The following SCARA5 variants were observed in gnomAD, a reference collection of about 807,000 sequenced individuals.
SCARA5 encodes the protein scavenger receptor class A, member 5 (putative).
SCARA5 carries 45 observed loss-of-function variants against 46.3 expected under a neutral mutation model. That is an observed-to-expected ratio of 0.97 (90% CI 0.76 to 1.24). SCARA5 has a LOEUF of 1.24. Ranked by LOEUF, SCARA5 falls within the 50% of genes most tolerant of loss-of-function variation. SCARA5 has a pLI of 0.00. For missense variants in SCARA5, 680 were observed against 689.0 expected (o/e 0.99, Z 0.15); for synonymous variants, 333 against 306.5 (o/e 1.09, Z -0.90).
At chr8:27,884,468 C>T (rs1364833481) in intron 7 of SCARA5, among the ~76,000 whole-genome samples, 1 of 152,252 alleles carries the variant, frequency 6.6e-6, no homozygotes, top group Admixed American at 6.5e-5. Context: ...TGGTTTCTCA[C>T]AGACCTGCCT....
At chr8:27,925,452 G>A (rs78664655) in intron 3 of SCARA5, among the ~76,000 whole-genome samples, 46,416 of 151,984 alleles carry the variant, frequency 0.31, 7,429 homozygotes, top group East Asian at 0.36. Flanking sequence ...AGGCTGAAAC[G>A]GGATCCCTTC....
chr8:27,876,190 T>G (rs1218686849), intron 8 of SCARA5, among the ~76,000 whole-genome samples: 1 of 152,066 alleles, frequency 6.6e-6, no homozygotes, highest in African/African-American at 2.4e-5. Flanking sequence ...ACACCCAAGA[T>G]CTCCTTTAGC....
intron 7 of SCARA5, among the ~76,000 whole-genome samples, chr8:27,892,690 G>A (rs1415005219): frequency 7.0e-6 from 1 of 143,290 alleles, no homozygotes; most frequent in Non-Finnish European, 1.5e-5. Flanking sequence ...GCTCACTCAA[G>A]CCCCGCCTCC....
intron 7 of SCARA5, among the ~76,000 whole-genome samples, chr8:27,884,779 A>G (rs1248817299): frequency 6.6e-6 from 1 of 152,234 alleles, no homozygotes; most frequent in Non-Finnish European, 1.5e-5. Context: ...CCACAAACAG[A>G]GTCCCTGCCC....
chr8:27,917,177 A>G (rs1807475913), intron 4 of SCARA5, among the ~76,000 whole-genome samples: 1 of 152,218 alleles, frequency 6.6e-6, no homozygotes, highest in African/African-American at 2.4e-5. Context: ...GCCTGAACAG[A>G]TGGATACACC....
intron 2 of SCARA5, among the ~76,000 whole-genome samples, chr8:27,977,891 C>T (rs1452535262): frequency 6.6e-6 from 1 of 152,192 alleles, no homozygotes; most frequent in Admixed American, 6.5e-5. Context: ...ATTTTGAAGA[C>T]TCAGCATGAG....
chr8:27,982,080 C>T (rs1457498283), intron 2 of SCARA5, among the ~76,000 whole-genome samples: 3 of 152,128 alleles, frequency 2.0e-5, no homozygotes, highest in Non-Finnish European at 4.4e-5. Flanking sequence ...AGGCAGCGAG[C>T]GGCCCGGCTG....
chr8:27,949,268 G>A (rs1390401051), intron 3 of SCARA5, among the ~76,000 whole-genome samples: 4 of 152,352 alleles, frequency 2.6e-5, no homozygotes, highest in Non-Finnish European at 4.4e-5. Flanking sequence ...TTAGTGAGAC[G>A]GAGCTCTTGA....
At chr8:27,947,822 C>A (rs977649706) in intron 3 of SCARA5, among the ~76,000 whole-genome samples, 4 of 151,964 alleles carry the variant, frequency 2.6e-5, no homozygotes, top group African/African-American at 9.7e-5. Flanking sequence ...TTGCAGTGAG[C>A]TGAGATCACG....
chr8:27,978,754 T>C (rs1808565480), intron 2 of SCARA5, among the ~76,000 whole-genome samples: 1 of 151,942 alleles, frequency 6.6e-6, no homozygotes. Flanking sequence ...CAAGCAATCC[T>C]CCCATCTCGG....
intron 6 of SCARA5, 64 bp downstream of exon 6, chr8:27,907,084 G>T: frequency 1.7e-6 from 2 of 1,175,790 alleles, no homozygotes; most frequent in Non-Finnish European, 2.5e-6. Context: ...GGTCCCCCAT[G>T]CCAATGCCCA....
chr8:27,966,324 T>C, intron 3 of SCARA5, 90 bp downstream of exon 3: 1 of 1,343,132 alleles, frequency 7.4e-7, no homozygotes, highest in East Asian at 2.4e-5. Context: ...AGGGCAGTGT[T>C]TGGGCTCATG....
chr8:27,914,497 AAGG>A (rs536003914), intron 4 of SCARA5, among the ~76,000 whole-genome samples: 142 of 152,326 alleles, frequency 9.3e-4, no homozygotes, highest in Non-Finnish European at 1.7e-3. Flanking sequence ...TGTGGTTCCC[AAGG>A]AGGACAGAAC....
intron 3 of SCARA5, among the ~76,000 whole-genome samples, chr8:27,932,836 G>T (rs1807797812): frequency 6.6e-6 from 1 of 152,128 alleles, no homozygotes; most frequent in Non-Finnish European, 1.5e-5. Context: ...TCATCATATT[G>T]GCCAGGGTGG....
intron 3 of SCARA5, among the ~76,000 whole-genome samples, chr8:27,957,920 A>G (rs1020985310): frequency 6.6e-6 from 1 of 152,186 alleles, no homozygotes; most frequent in African/African-American, 2.4e-5. Context: ...TAAATATTTT[A>G]GGCTCTGCAG....
At chr8:27,949,613 C>T (rs1808091757) in intron 3 of SCARA5, among the ~76,000 whole-genome samples, 1 of 152,220 alleles carries the variant, frequency 6.6e-6, no homozygotes, top group African/African-American at 2.4e-5. Context: ...GGAAGCAGGG[C>T]AGGCAGATCG....
chr8:27,912,585 C>T (rs1807395701), intron 4 of SCARA5, among the ~76,000 whole-genome samples: 1 of 152,220 alleles, frequency 6.6e-6, no homozygotes, highest in African/African-American at 2.4e-5. Context: ...CCCTTAAGGC[C>T]AAGGCCAAGG....
At chr8:27,895,941 C>A (rs2685374) in intron 7 of SCARA5, among the ~76,000 whole-genome samples, 146,134 of 152,196 alleles carry the variant, frequency 0.96, 70,455 homozygotes, top group East Asian at 1. Context: ...ATAAACGAAG[C>A]GCTTTCCTTG....
intron 2 of SCARA5, among the ~76,000 whole-genome samples, chr8:27,982,076 C>CG (rs1438012993): frequency 6.6e-6 from 1 of 152,158 alleles, no homozygotes; most frequent in Non-Finnish European, 1.5e-5. Flanking sequence ...CTGGAGGCAG[C>CG]GAGCGGCCCG....
Sources: allele counts gnomAD v4.1 joint callset (sites outside exome capture counted in the v4.1 genomes callset), GRCh38; gene constraint gnomAD v4.1.1; transcripts MANE v1.5; gene names NCBI Gene and HGNC (gene_info 2026-07-23, HGNC 2026-07-21).